The following PDGFD variants were observed in gnomAD, a reference collection of about 807,000 sequenced individuals.
The protein encoded by PDGFD is platelet derived growth factor D, also known as platelet-derived growth factor D.
A neutral mutation model predicts 44.7 loss-of-function variants in PDGFD; 30 were observed. The ratio of observed to expected loss-of-function variants is 0.67; its 90% CI spans 0.50 to 0.91. PDGFD has a LOEUF of 0.91. PDGFD is among the 40% of genes least tolerant of loss of function. The pLI is 0.00. For missense variants in PDGFD, 445 were observed against 457.8 expected, an observed-to-expected ratio of 0.97 and a Z score of 0.25; for synonymous variants, 173 against 168.4, an observed-to-expected ratio of 1.03 and a Z score of -0.21.
At chr11:104,115,799 AT>A (rs1230488086) in intron 1 of PDGFD, among the ~76,000 whole-genome samples, 1 of 151,774 alleles carries the variant, frequency 6.6e-6, no homozygotes, top group Non-Finnish European at 1.5e-5. Flanking sequence ...GATGTTGAGC[AT>A]TTTTTCATTT....
intron 3 of PDGFD, among the ~76,000 whole-genome samples, chr11:103,950,570 A>AT (rs1858738718): frequency 1.3e-5 from 2 of 148,594 alleles, no homozygotes; most frequent in African/African-American, 2.6e-5. Context: ...TCTCAAAAGA[A>AT]AAAATAAATA....
At chr11:103,996,365 A>C in intron 2 of PDGFD, 120 bp from the exon 3 acceptor site, 1 of 917,834 alleles carries the variant, frequency 1.1e-6, no homozygotes, top group South Asian at 1.6e-5. Flanking sequence ...TGAAATGAAA[A>C]TTATAATGTA....
intron 4 of PDGFD, 125 bp from the exon 5 acceptor site, chr11:103,943,775 C>A: frequency 1.4e-6 from 1 of 725,026 alleles, no homozygotes; most frequent in South Asian, 2.0e-5. Context: ...CGTTTGAATG[C>A]TATGTAAAAA....
At chr11:103,943,734 A>G in intron 4 of PDGFD, 84 bp from the exon 5 acceptor site, 1 of 1,152,180 alleles carries the variant, frequency 8.7e-7, no homozygotes, top group Non-Finnish European at 1.3e-6. Context: ...CGGAAGGAAC[A>G]TAAACAGGCT....
chr11:103,942,288 C>A (rs149595915), intron 5 of PDGFD, among the ~76,000 whole-genome samples: 108 of 152,146 alleles, frequency 7.1e-4, no homozygotes, highest in Admixed American at 1.2e-3. Context: ...TATAACAAAC[C>A]TTATCAAATA....
chr11:103,955,179 A>C (rs1858821891), intron 3 of PDGFD, among the ~76,000 whole-genome samples: 1 of 24,140 alleles, frequency 4.1e-5, no homozygotes, highest in Non-Finnish European at 8.0e-5. Flanking sequence ...AAAAAAAAAA[A>C]AAAAAAAAAA....
At chr11:103,940,062 T>C (rs2134320504) in intron 5 of PDGFD, among the ~76,000 whole-genome samples, 1 of 152,212 alleles carries the variant, frequency 6.6e-6, no homozygotes, top group Non-Finnish European at 1.5e-5. Context: ...CTGTTTCCTC[T>C]CTCTCTCTTT....
At chr11:104,037,173 G>C in intron 1 of PDGFD, 2 of 1,613,618 alleles carry the variant, frequency 1.2e-6, no homozygotes, top group African/African-American at 1.3e-5. Context: ...AGCAGCAGCA[G>C]CGCACACCCG....
intron 1 of PDGFD, among the ~76,000 whole-genome samples, chr11:104,030,070 A>G (rs531961894): frequency 2.0e-5 from 3 of 152,196 alleles, no homozygotes; most frequent in South Asian, 2.1e-4. Context: ...GCACAAAATT[A>G]TCGTATAAAA....
chr11:103,966,922 T>A lies in PDGFD; in HGVS notation c.511-19198A>T, dbSNP rs544044877. Among the ~76,000 whole-genome samples, 6 of 152,258 alleles carry A rather than the reference T, an allele frequency of 3.9e-5. No individual in the cohort carries two copies. The South Asian group carries it at 1.2e-3, about 32-fold the overall frequency. ...TCTCCCCAGAAAACAGTGCTTCCCC[T>A]GAGGCCTACCAAATGAGAGCTCACA... On this transcript the variant is annotated intron_variant, in intron 3 of 6. Transcript: ENST00000393158.
intron 3 of PDGFD, among the ~76,000 whole-genome samples, chr11:103,975,252 C>T (rs1859165961): frequency 6.6e-6 from 1 of 151,534 alleles, no homozygotes; most frequent in Non-Finnish European, 1.5e-5. Flanking sequence ...TGATGATGAG[C>T]TTTTTTTCAT....
intron 3 of PDGFD, among the ~76,000 whole-genome samples, chr11:103,954,022 C>T (rs1858799139): frequency 6.6e-6 from 1 of 152,188 alleles, no homozygotes; most frequent in Non-Finnish European, 1.5e-5. Context: ...TGCTATATGG[C>T]TGAAAGCAAA....
chr11:103,943,413 T>C, intron 5 of PDGFD, 39 bp downstream of exon 5: 2 of 1,563,380 alleles, frequency 1.3e-6, no homozygotes, highest in South Asian at 1.1e-5. Context: ...TTAAGATTTC[T>C]ATGTGCTTAT....
chr11:104,092,794 G>T (rs1289304573), intron 1 of PDGFD, among the ~76,000 whole-genome samples: 1 of 152,160 alleles, frequency 6.6e-6, no homozygotes, highest in African/African-American at 2.4e-5. Flanking sequence ...AAGAAAATCA[G>T]TAGTGATTAC....
At chr11:104,043,856 G>GC (rs1379169141) in intron 1 of PDGFD, among the ~76,000 whole-genome samples, 1 of 152,110 alleles carries the variant, frequency 6.6e-6, no homozygotes, top group East Asian at 1.9e-4. Context: ...CAAGGCATCT[G>GC]CCCCCATGAC....
chr11:104,139,873 T>TAAAA (rs1193661913), intron 1 of PDGFD, among the ~76,000 whole-genome samples: 3 of 19,866 alleles, frequency 1.5e-4, no homozygotes, highest in Non-Finnish European at 2.5e-4. Context: ...CCGTCTCTAC[T>TAAAA]AAAAAAAAAA....
intron 1 of PDGFD, among the ~76,000 whole-genome samples, chr11:104,008,190 G>C (rs1287608531): frequency 1.3e-5 from 2 of 152,044 alleles, no homozygotes; most frequent in African/African-American, 4.8e-5. Flanking sequence ...TGAATAATGT[G>C]GCAGATTCCT....
chr11:104,097,739 C>T (rs1861307110), intron 1 of PDGFD, among the ~76,000 whole-genome samples: 1 of 152,160 alleles, frequency 6.6e-6, no homozygotes, highest in Non-Finnish European at 1.5e-5. Context: ...CTGTTATCCT[C>T]CTTTTACATA....
intron 3 of PDGFD, among the ~76,000 whole-genome samples, chr11:103,956,899 T>C (rs1401764325): frequency 6.6e-6 from 1 of 152,208 alleles, no homozygotes; most frequent in African/African-American, 2.4e-5. Context: ...ACCCACTTTT[T>C]GATGGGGTTG....
Sources: gnomAD v4.1 joint callset for allele counts (sites outside exome capture counted in the v4.1 genomes callset) on GRCh38, gnomAD v4.1.1 for gene constraint, MANE v1.5 for transcripts, NCBI Gene and HGNC (gene_info 2026-07-23, HGNC 2026-07-21) for gene names.